RRAGD: variants seen among roughly 807,000 people sequenced by gnomAD.
RRAGD encodes ras-related GTP-binding protein D.
A neutral mutation model predicts 35.5 loss-of-function variants in RRAGD; 12 were observed. The ratio of observed to expected loss-of-function variants is 0.34; its 90% CI spans 0.22 to 0.55. The LOEUF (loss-of-function observed/expected upper bound fraction) is 0.55, where lower values mean the gene tolerates loss of function less well. Among genes scored for constraint, RRAGD ranks in the 20% least tolerant of loss-of-function variants. The probability of loss-of-function intolerance (pLI) is 0.91; values close to 1 mark genes in which losing one functional copy is unlikely to be tolerated. For synonymous variants in RRAGD, 155 were observed against 178.9 expected, an observed-to-expected ratio of 0.87 and a Z score of 1.07; for missense variants, 324 against 490.1, an observed-to-expected ratio of 0.66 and a Z score of 3.20.
At chr6:89,385,206 T>C (rs887520488) in intron 2 of RRAGD, among the ~76,000 whole-genome samples, 1 of 152,156 alleles carries the variant, frequency 6.6e-6, no homozygotes, top group Non-Finnish European at 1.5e-5. Flanking sequence ...CACCTAAAAA[T>C]AGATTACACT....
At chr6:89,408,502 C>T (rs1769629290) in intron 1 of RRAGD, among the ~76,000 whole-genome samples, 1 of 152,148 alleles carries the variant, frequency 6.6e-6, no homozygotes, top group African/African-American at 2.4e-5. Flanking sequence ...CCACAAAAGG[C>T]TAACATTAAT....
intron 1 of RRAGD, among the ~76,000 whole-genome samples, chr6:89,406,736 G>A (rs1769586575): frequency 6.6e-6 from 1 of 152,190 alleles, no homozygotes; most frequent in Non-Finnish European, 1.5e-5. Context: ...CTTGCAACAA[G>A]GTAGAGGGTC....
chr6:89,372,401 T>C (rs776784288), intron 6 of RRAGD, 36 bp downstream of exon 6: 3 of 1,574,832 alleles, frequency 1.9e-6, no homozygotes, highest in Non-Finnish European at 1.7e-6. Flanking sequence ...CTGATGCTTC[T>C]TTTAATGCTT....
rs376790069 is a variant in RRAGD, at chr6:89,411,887, T to C, written c.107A>G (p.Asp36Gly). The C allele has an allele frequency of 1.3e-4, 203 of 1,544,708 alleles. No homozygotes were observed. Among genetic ancestry groups the C allele is most frequent in the Non-Finnish European group, 1.7e-4 (194 of 1,147,992 alleles). The change falls in exon 1 of 7, where the codon GAC (aspartate) becomes GGC (glycine). Residue 36 changes from aspartate (D) to glycine (G), a missense_variant. By Grantham distance (94) the Asp-to-Gly change is moderately conservative. Coordinates refer to ENST00000369415, the MANE Select transcript of RRAGD (RefSeq NM_021244.5). The surrounding 1 kb of genome is among the most constrained non-coding windows in gnomAD (Gnocchi z 5.6). ...VGLADYGDGP[D>G]SSDADPDSGT... ...GCTGTCCGGATCGGCGTCGGAGGAG[T>C]CGGGCCCGTCTCCGTAGTCCGCTAG...
chr6:89,394,789 G>A (rs1582518247), intron 1 of RRAGD, among the ~76,000 whole-genome samples: 2 of 151,842 alleles, frequency 1.3e-5, no homozygotes, highest in East Asian at 3.9e-4. Context: ...CGGTCCAGAA[G>A]GATACACAGC....
At chr6:89,400,595 TAAA>T (rs11447080) in intron 1 of RRAGD, among the ~76,000 whole-genome samples, 1 of 138,182 alleles carries the variant, frequency 7.2e-6, no homozygotes. Flanking sequence ...GGACAGGCAC[TAAA>T]AAAAAAAAAA....
Position 89,411,916 on chromosome 6 carries a change from C to T in RRAGD, c.78G>A (p.Val26=), listed in dbSNP as rs752218788. Residue 26 remains valine (V), a synonymous_variant, in exon 1 of 7, where the codon GTG becomes GTA. Transcript: ENST00000369415. The surrounding 1 kb of genome is among the most constrained non-coding windows in gnomAD (Gnocchi z 5.6). ...GCCCGTCTCCGTAGTCCGCTAGCCC[C>T]ACCAGCTCATCCTCCTCCTCCTCCT... ...AEEEEEEDEL[V]GLADYGDGPD... is the part of the protein sequence containing the mutation. 330 of 1,545,724 alleles carry T rather than the reference C, an allele frequency of 2.1e-4. 5 individuals carry two copies. The Admixed American group carries it at 6.1e-3, about 29-fold the overall frequency.
chr6:89,410,677 A>G (rs1383969601), intron 1 of RRAGD, among the ~76,000 whole-genome samples: 1 of 152,264 alleles, frequency 6.6e-6, no homozygotes, highest in East Asian at 1.9e-4. Context: ...GGCGCAAGGC[A>G]TAGTTAACTT....
chr6:89,382,522 C>G lies in RRAGD; in HGVS notation c.445-2155G>C, dbSNP rs572933123. Among the ~76,000 whole-genome samples, 13 of 151,628 alleles carry G rather than the reference C, an allele frequency of 8.6e-5. No homozygotes were observed. The South Asian group carries it at 2.5e-3, about 29-fold the overall frequency. On this transcript the variant is annotated intron_variant, in intron 2 of 6. Coordinates refer to ENST00000369415, the MANE Select transcript of RRAGD (RefSeq NM_021244.5). ...CTCAGGAATTTGAGGTTACAATGAG[C>G]TATGATCTTGCCACTGCACTCCAAC...
rs973357699 is a variant in RRAGD, at chr6:89,375,673, C to A, written c.902+1998G>T. On this transcript the variant is annotated intron_variant, in intron 5 of 6. Coordinates refer to ENST00000369415, the MANE Select transcript of RRAGD (RefSeq NM_021244.5). ...GAGGGCCCCAGGCTCTGCACACAAC[C>A]CTGCCTCCTGCTGGTTAACAGGACT... Among the ~76,000 whole-genome samples, 40 of 152,342 alleles carry A rather than the reference C, an allele frequency of 2.6e-4. 1 individual carries two copies. Among genetic ancestry groups the A allele is most frequent in the African/African-American group, 9.6e-4 (40 of 41,580 alleles).
chr6:89,399,289 C>T (rs983623769), intron 1 of RRAGD, among the ~76,000 whole-genome samples: 7 of 152,208 alleles, frequency 4.6e-5, no homozygotes, highest in African/African-American at 1.7e-4. Flanking sequence ...ACTAAATACA[C>T]ATACAGCTGC....
At chr6:89,410,409 A>G (rs973852615) in intron 1 of RRAGD, among the ~76,000 whole-genome samples, 2 of 152,222 alleles carry the variant, frequency 1.3e-5, no homozygotes, top group Non-Finnish European at 2.9e-5. Flanking sequence ...AACAAATGGA[A>G]TTTGAATAAT....
At chr6:89,402,038 A>ATTTTTTTTTTTTT (rs71556520) in intron 1 of RRAGD, among the ~76,000 whole-genome samples, 3,234 of 78,182 alleles carry the variant, frequency 0.041, 536 homozygotes, top group East Asian at 0.11. Context: ...AATCCTAAGG[A>ATTTTTTTTTTTTT]TTTTTTTTTT....
At chr6:89,387,682 T>A in intron 1 of RRAGD, 92 bp from the exon 2 acceptor site, 5 of 1,197,458 alleles carry the variant, frequency 4.2e-6, no homozygotes, top group Non-Finnish European at 5.9e-6. Flanking sequence ...TGATTTATGA[T>A]TCACAGATGA....
At chr6:89,379,728 C>A (rs894428658) in intron 3 of RRAGD, among the ~76,000 whole-genome samples, 13 of 152,144 alleles carry the variant, frequency 8.5e-5, no homozygotes, top group African/African-American at 3.1e-4. Flanking sequence ...TTCCATTTCC[C>A]AATTTACAAA....
At chr6:89,382,773 G>A (rs1376107067) in intron 2 of RRAGD, among the ~76,000 whole-genome samples, 2 of 152,074 alleles carry the variant, frequency 1.3e-5, no homozygotes, top group African/African-American at 4.8e-5. Flanking sequence ...CTACTCAGGA[G>A]GCTGAGGCAG....
rs750039040 is a variant in RRAGD, at chr6:89,372,659, C to T, written c.903-74G>A. 2.3e-5 allele frequency: 33 copies of T among 1,410,850 alleles called. No individual in the cohort carries two copies. The East Asian group carries it at 3.0e-4, about 13-fold the overall frequency. The allele number at this position is 1,410,850 out of a possible 1,614,324, so 87.4% of individuals were successfully genotyped here. On this transcript the variant is annotated intron_variant, in intron 5 of 6. Coordinates refer to ENST00000369415, the MANE Select transcript of RRAGD (RefSeq NM_021244.5). ...AAACTGTAAGCCAGTGACAAGAGAC[C>T]GGCTTTAAGCCACAAAAAGTGATAA... is the stretch of plus-strand genomic sequence containing the variant.
At chr6:89,389,625 G>A (rs1004924176) in intron 1 of RRAGD, among the ~76,000 whole-genome samples, 1 of 150,394 alleles carries the variant, frequency 6.6e-6, no homozygotes, top group Non-Finnish European at 1.5e-5. Context: ...TCTTTCCTTC[G>A]TTCTTGAAAC....
intron 1 of RRAGD, among the ~76,000 whole-genome samples, chr6:89,399,456 C>T (rs1234379976): frequency 6.6e-6 from 1 of 152,158 alleles, no homozygotes; most frequent in Non-Finnish European, 1.5e-5. Context: ...CATTTTATTA[C>T]ATTCAGCTAG....
Sources: allele counts gnomAD v4.1 joint callset (sites outside exome capture counted in the v4.1 genomes callset), GRCh38; gene constraint gnomAD v4.1.1; non-coding constraint Gnocchi (gnomAD v3.1); transcripts MANE v1.5; gene names NCBI Gene and HGNC (gene_info 2026-07-23, HGNC 2026-07-21).